MGAT4C: variants seen among roughly 807,000 people sequenced by gnomAD.
MGAT4C encodes the protein MGAT4 family member C, also known as alpha-1,3-mannosyl-glycoprotein 4-beta-N-acetylglucosaminyltransferase C.
Under a neutral mutation model 40.1 loss-of-function variants are expected in MGAT4C, and 19 were observed. That is an observed-to-expected ratio of 0.47 (90% CI 0.33 to 0.70). The LOEUF (loss-of-function observed/expected upper bound fraction) is 0.70, where lower values mean the gene tolerates loss of function less well. MGAT4C is among the 30% of genes least tolerant of loss of function. MGAT4C has a pLI of 0.02. For missense variants in MGAT4C, 491 were observed against 563.2 expected, an observed-to-expected ratio of 0.87 and a Z score of 1.30; for synonymous variants, 181 against 187.1, an observed-to-expected ratio of 0.97 and a Z score of 0.27.
At chr12:86,465,498 A>G (rs912676408) in intron 2 of MGAT4C, among the ~76,000 whole-genome samples, 3 of 152,198 alleles carry the variant, frequency 2.0e-5, no homozygotes, top group African/African-American at 7.2e-5. Context: ...GCCATTATCC[A>G]AAATGTTCAA....
intron 2 of MGAT4C, among the ~76,000 whole-genome samples, chr12:85,990,193 A>G (rs1276580010): frequency 6.6e-6 from 1 of 152,138 alleles, no homozygotes; most frequent in African/African-American, 2.4e-5. Context: ...GATATCTACT[A>G]CTTAGTAGTT....
intron 3 of MGAT4C, among the ~76,000 whole-genome samples, chr12:86,357,517 T>C (rs886106514): frequency 6.6e-6 from 1 of 151,962 alleles, no homozygotes; most frequent in African/African-American, 2.4e-5. Context: ...CCATCAGTAA[T>C]AACAAACTTC....
intron 2 of MGAT4C, among the ~76,000 whole-genome samples, chr12:86,666,583 G>A (rs947391582): frequency 6.6e-6 from 1 of 151,848 alleles, no homozygotes; most frequent in African/African-American, 2.4e-5. Flanking sequence ...TCTGATGTGA[G>A]TCACAAAAAA....
intron 2 of MGAT4C, among the ~76,000 whole-genome samples, chr12:86,659,516 A>G (rs2136546083): frequency 6.6e-6 from 1 of 152,270 alleles, no homozygotes; most frequent in South Asian, 2.1e-4. Context: ...AGTAATTCGA[A>G]CAGGGCAAGT....
At chr12:86,107,617 G>A (rs1876442204) in intron 1 of MGAT4C, among the ~76,000 whole-genome samples, 1 of 152,110 alleles carries the variant, frequency 6.6e-6, no homozygotes, top group African/African-American at 2.4e-5. Context: ...AGAACAAAAT[G>A]TACAACATCT....
chr12:86,824,998 T>C (rs1413317539), intron 1 of MGAT4C, among the ~76,000 whole-genome samples: 1 of 151,356 alleles, frequency 6.6e-6, no homozygotes, highest in Non-Finnish European at 1.5e-5. Context: ...ATGAACTGTT[T>C]CTGATCTAAG....
At chr12:86,197,219 C>T (rs1192415753) in intron 1 of MGAT4C, among the ~76,000 whole-genome samples, 2 of 152,168 alleles carry the variant, frequency 1.3e-5, no homozygotes, top group East Asian at 1.9e-4. Context: ...ACCAGAAGCA[C>T]CTTTGTTCAT....
At chr12:86,698,908 T>C (rs999223671) in intron 2 of MGAT4C, among the ~76,000 whole-genome samples, 2 of 152,140 alleles carry the variant, frequency 1.3e-5, no homozygotes, top group South Asian at 2.1e-4. Context: ...AGAAAGTATG[T>C]CCTTGATTAG....
intron 1 of MGAT4C, among the ~76,000 whole-genome samples, chr12:86,212,476 T>C (rs986109325): frequency 1.3e-5 from 2 of 152,178 alleles, no homozygotes; most frequent in African/African-American, 4.8e-5. Flanking sequence ...ATTTTAATAA[T>C]TGTTTTTGTT....
intron 1 of MGAT4C, among the ~76,000 whole-genome samples, chr12:86,051,330 G>A (rs570177483): frequency 3.3e-5 from 5 of 151,964 alleles, no homozygotes; most frequent in Non-Finnish European, 4.4e-5. Flanking sequence ...TTTTGTGAAA[G>A]ACTGATGAAC....
intron 1 of MGAT4C, among the ~76,000 whole-genome samples, chr12:86,076,855 ACAATAAGCCAT>A (rs1247346406): frequency 2.0e-5 from 3 of 152,084 alleles, no homozygotes; most frequent in Non-Finnish European, 2.9e-5. Flanking sequence ...ATATCATCAC[ACAATAAGCCAT>A]CTGCAGGCTG....
At chr12:86,015,460 G>A (rs1459216180) in intron 2 of MGAT4C, among the ~76,000 whole-genome samples, 1 of 152,072 alleles carries the variant, frequency 6.6e-6, no homozygotes, top group Non-Finnish European at 1.5e-5. Context: ...TTGACTGTAC[G>A]GAAGGCAGAG....
intron 2 of MGAT4C, among the ~76,000 whole-genome samples, chr12:86,451,175 C>T (rs1957420381): frequency 6.6e-6 from 1 of 152,178 alleles, no homozygotes; most frequent in South Asian, 2.1e-4. Flanking sequence ...GTACTGTCAT[C>T]ATGATAGTGA....
At chr12:86,733,072 C>T (rs1232352209) in intron 1 of MGAT4C, among the ~76,000 whole-genome samples, 1 of 151,970 alleles carries the variant, frequency 6.6e-6, no homozygotes, top group Non-Finnish European at 1.5e-5. Context: ...AATCAGTCTT[C>T]CCTCTCATTA....
chr12:86,468,348 C>T (rs1957711293), intron 2 of MGAT4C, among the ~76,000 whole-genome samples: 1 of 151,882 alleles, frequency 6.6e-6, no homozygotes, highest in Non-Finnish European at 1.5e-5. Context: ...CTTTTTGATC[C>T]TAGTTTAAAG....
intron 3 of MGAT4C, among the ~76,000 whole-genome samples, chr12:86,351,272 A>G (rs1175509238): frequency 6.6e-6 from 1 of 152,018 alleles, no homozygotes; most frequent in Non-Finnish European, 1.5e-5. Flanking sequence ...ATAATGATAT[A>G]TAACAATACC....
At chr12:86,439,628 A>G (rs953158757) in intron 2 of MGAT4C, among the ~76,000 whole-genome samples, 1 of 152,060 alleles carries the variant, frequency 6.6e-6, no homozygotes, top group Non-Finnish European at 1.5e-5. Context: ...AACAACAAAG[A>G]TCAGAGCAGA....
intron 3 of MGAT4C, among the ~76,000 whole-genome samples, chr12:86,367,067 G>A (rs1311954916): frequency 6.6e-6 from 1 of 151,918 alleles, no homozygotes; most frequent in African/African-American, 2.4e-5. Context: ...TTATAACCTT[G>A]GTTATAGAGT....
At chr12:86,452,362 C>T (rs1957438354) in intron 2 of MGAT4C, among the ~76,000 whole-genome samples, 2 of 150,906 alleles carry the variant, frequency 1.3e-5, no homozygotes, top group Non-Finnish European at 2.9e-5. Flanking sequence ...CCTCCCCCAC[C>T]CCACAACAGG....
Sources: gnomAD v4.1 joint callset for allele counts (sites outside exome capture counted in the v4.1 genomes callset) on GRCh38, gnomAD v4.1.1 for gene constraint, MANE v1.5 for transcripts, NCBI Gene and HGNC (gene_info 2026-07-23, HGNC 2026-07-21) for gene names.